The following SETBP1 variants were observed in gnomAD, a reference collection of about 807,000 sequenced individuals.
The protein encoded by SETBP1 is SET binding protein 1.
Under a neutral mutation model 101.0 loss-of-function variants are expected in SETBP1, and 9 were observed. That is an observed-to-expected ratio of 0.09 (90% confidence interval 0.05 to 0.16). The LOEUF (loss-of-function observed/expected upper bound fraction) is 0.16. SETBP1 is among the 10% of genes least tolerant of loss of function. SETBP1 has a pLI of 1.00. For missense variants in SETBP1, 1,858 were observed against 2,033.8 expected, an observed-to-expected ratio of 0.91 and a Z score of 1.66; for synonymous variants, 818 against 788.5, an observed-to-expected ratio of 1.04 and a Z score of -0.63.
chr18:45,055,320 C>G (rs548784089), intron 5 of SETBP1, among the ~76,000 whole-genome samples: 1 of 152,070 alleles, frequency 6.6e-6, no homozygotes, highest in Non-Finnish European at 1.5e-5. Flanking sequence ...ACAGTCATAC[C>G]ATTTAAATAC....
intron 2 of SETBP1, among the ~76,000 whole-genome samples, chr18:44,719,330 A>C (rs1260524935): frequency 1.3e-5 from 2 of 152,212 alleles, no homozygotes; most frequent in African/African-American, 4.8e-5. Context: ...TAAAAACTGC[A>C]TCCGAGAGAG....
intron 3 of SETBP1, chr18:44,870,168 G>C (rs938303289): frequency 1.3e-5 from 2 of 152,220 alleles, no homozygotes; most frequent in Non-Finnish European, 2.9e-5. Context: ...TCCAGGGGTC[G>C]AGCAAATATG....
chr18:45,013,744 G>A (rs1165224295), intron 4 of SETBP1, among the ~76,000 whole-genome samples: 2 of 152,172 alleles, frequency 1.3e-5, no homozygotes, highest in Admixed American at 6.5e-5. Context: ...AGCCCTGACT[G>A]TTTCTGAGCA....
intron 2 of SETBP1, among the ~76,000 whole-genome samples, chr18:44,844,748 A>G (rs888208206): frequency 2.0e-5 from 3 of 152,028 alleles, no homozygotes; most frequent in African/African-American, 7.2e-5. Flanking sequence ...TGCCTCCATG[A>G]GGGTTCTCGG....
chr18:45,012,779 C>G (rs1231572830), intron 4 of SETBP1, among the ~76,000 whole-genome samples: 1 of 152,132 alleles, frequency 6.6e-6, no homozygotes, highest in African/African-American at 2.4e-5. Context: ...CAAATACTGC[C>G]TGTTCTCTAT....
At chr18:44,779,800 G>C (rs2071085420) in intron 2 of SETBP1, among the ~76,000 whole-genome samples, 2 of 152,078 alleles carry the variant, frequency 1.3e-5, no homozygotes, top group Non-Finnish European at 2.9e-5. Flanking sequence ...CTGCTCTGCT[G>C]CATCAACCTC....
chr18:44,938,280 C>T (rs1400713511), intron 3 of SETBP1, among the ~76,000 whole-genome samples: 1 of 152,220 alleles, frequency 6.6e-6, no homozygotes, highest in Non-Finnish European at 1.5e-5. Context: ...GTGACAGTCC[C>T]TCCAGCCACT....
chr18:44,731,802 C>T (rs1282733235), intron 2 of SETBP1, among the ~76,000 whole-genome samples: 2 of 152,162 alleles, frequency 1.3e-5, no homozygotes, highest in East Asian at 1.9e-4. Flanking sequence ...ATCTATCAAA[C>T]GGGCATAATT....
At chr18:44,777,448 A>T (rs924413233) in intron 2 of SETBP1, among the ~76,000 whole-genome samples, 2 of 152,128 alleles carry the variant, frequency 1.3e-5, no homozygotes, top group Non-Finnish European at 2.9e-5. Context: ...GTCATTTTGA[A>T]TGTCACAGTT....
intron 4 of SETBP1, among the ~76,000 whole-genome samples, chr18:44,976,222 G>T (rs770325139): frequency 1.6e-4 from 25 of 152,146 alleles, no homozygotes; most frequent in Non-Finnish European, 3.1e-4. Context: ...GGCGGCAGGT[G>T]CTGAGGAACA....
chr18:44,876,504 G>C (rs1389345126), intron 3 of SETBP1: 2 of 1,205,398 alleles, frequency 1.7e-6, no homozygotes, highest in Non-Finnish European at 2.4e-6. Context: ...TCTGGGTGGG[G>C]TCTGGATATT....
chr18:45,006,845 A>T (rs1214720804), intron 4 of SETBP1, among the ~76,000 whole-genome samples: 1 of 152,202 alleles, frequency 6.6e-6, no homozygotes, highest in Non-Finnish European at 1.5e-5. Flanking sequence ...GGTCTCAAGA[A>T]GAGGAATTGC....
chr18:45,013,167 G>A (rs1178121483), intron 4 of SETBP1, among the ~76,000 whole-genome samples: 1 of 152,214 alleles, frequency 6.6e-6, no homozygotes, highest in Non-Finnish European at 1.5e-5. Context: ...GCCAGCCCCA[G>A]GCCCTGCAGC....
chr18:44,847,207 T>C (rs1379431360), intron 2 of SETBP1, among the ~76,000 whole-genome samples: 2 of 152,292 alleles, frequency 1.3e-5, no homozygotes, highest in African/African-American at 4.8e-5. Context: ...CACCATAGGG[T>C]CTGTTTAGCA....
intron 2 of SETBP1, among the ~76,000 whole-genome samples, chr18:44,764,649 A>G (rs1182803853): frequency 6.6e-6 from 1 of 151,774 alleles, no homozygotes; most frequent in Non-Finnish European, 1.5e-5. Flanking sequence ...AATTTTTTGT[A>G]TTTTTAGTAG....
At chr18:44,945,846 G>A (rs7228870) in intron 3 of SETBP1, among the ~76,000 whole-genome samples, 76,814 of 152,012 alleles carry the variant, frequency 0.51, 20,098 homozygotes, top group East Asian at 0.73. Flanking sequence ...CCTGAGTCAG[G>A]GAGCCCGATA....
chr18:44,717,167 G>A (rs2069486023), intron 2 of SETBP1, among the ~76,000 whole-genome samples: 1 of 152,190 alleles, frequency 6.6e-6, no homozygotes, highest in Non-Finnish European at 1.5e-5. Flanking sequence ...AGCCACCGTG[G>A]CTCCTCATGC....
intron 2 of SETBP1, among the ~76,000 whole-genome samples, chr18:44,775,497 T>TC (rs1352791737): frequency 6.6e-6 from 1 of 152,206 alleles, no homozygotes; most frequent in Non-Finnish European, 1.5e-5. Flanking sequence ...TACTTTTTTT[T>TC]CTTTTTCTTT....
chr18:45,010,766 G>A (rs376031683), intron 4 of SETBP1, among the ~76,000 whole-genome samples: 1 of 152,186 alleles, frequency 6.6e-6, no homozygotes, highest in African/African-American at 2.4e-5. Flanking sequence ...AAATACTCAT[G>A]TTTTATTCAT....
Sources: gnomAD v4.1 joint callset for allele counts (sites outside exome capture counted in the v4.1 genomes callset) on GRCh38, gnomAD v4.1.1 for gene constraint, MANE v1.5 for transcripts, NCBI Gene and HGNC (gene_info 2026-07-23, HGNC 2026-07-21) for gene names.